DIPK1A: variants seen among roughly 807,000 people sequenced by gnomAD.
The protein encoded by DIPK1A is family with sequence similarity 69 member A.
A neutral mutation model predicts 40.8 loss-of-function variants in DIPK1A; 27 were observed. The ratio of observed to expected loss-of-function variants is 0.66; its 90% CI spans 0.49 to 0.91. The LOEUF (loss-of-function observed/expected upper bound fraction) is 0.91. Among genes scored for constraint, DIPK1A ranks in the 40% least tolerant of loss-of-function variants. The pLI is 0.00. For missense variants in DIPK1A, 412 were observed against 505.7 expected, an observed-to-expected ratio of 0.81 and a Z score of 1.78; for synonymous variants, 166 against 171.3, an observed-to-expected ratio of 0.97 and a Z score of 0.24.
intron 1 of DIPK1A, among the ~76,000 whole-genome samples, chr1:92,897,159 A>G (rs955334428): frequency 2.0e-5 from 3 of 152,236 alleles, no homozygotes; most frequent in African/African-American, 7.2e-5. Flanking sequence ...TACTGGGTAT[A>G]TACCCAAAGG....
chr1:92,926,016 G>GA (rs1213924221), intron 1 of DIPK1A, among the ~76,000 whole-genome samples: 1 of 151,720 alleles, frequency 6.6e-6, no homozygotes, highest in Admixed American at 6.6e-5. Flanking sequence ...TTGATCTTTT[G>GA]AAAAAATCCA....
chr1:92,926,450 A>ATGATAT (rs1268746084), intron 1 of DIPK1A, among the ~76,000 whole-genome samples: 2 of 152,206 alleles, frequency 1.3e-5, no homozygotes, highest in Non-Finnish European at 2.9e-5. Flanking sequence ...TCTTGGTAAA[A>ATGATAT]GTTCCATGGT....
At chr1:92,941,087 G>A (rs1400273495) in intron 1 of DIPK1A, among the ~76,000 whole-genome samples, 1 of 146,648 alleles carries the variant, frequency 6.8e-6, no homozygotes, top group African/African-American at 2.5e-5. Context: ...TTTTAACAGG[G>A]TCTTTAGCAG....
At chr1:92,931,254 A>G (rs1650734588) in intron 1 of DIPK1A, 2 of 161,200 alleles carry the variant, frequency 1.2e-5, no homozygotes, top group South Asian at 1.5e-4. Context: ...GGTACATCAG[A>G]CAATGGACAA....
intron 3 of DIPK1A, among the ~76,000 whole-genome samples, chr1:92,849,416 C>T (rs561037123): frequency 1.9e-4 from 28 of 151,230 alleles, no homozygotes; most frequent in Non-Finnish European, 3.4e-4. Flanking sequence ...GACATGAACA[C>T]GGCTCACTGC....
chr1:92,957,702 G>A (rs1557501734), intron 1 of DIPK1A, among the ~76,000 whole-genome samples: 1 of 152,132 alleles, frequency 6.6e-6, no homozygotes, highest in Non-Finnish European at 1.5e-5. Context: ...AGATAAACTC[G>A]GTTCATTTAT....
chr1:92,877,413 G>A (rs1419270780), intron 1 of DIPK1A, among the ~76,000 whole-genome samples: 2 of 152,222 alleles, frequency 1.3e-5, no homozygotes, highest in Non-Finnish European at 2.9e-5. Flanking sequence ...TCACGAGCCA[G>A]TTTCTCACAC....
chr1:92,837,082 A>C (rs1225464833), intron 4 of DIPK1A: 1 of 338,216 alleles, frequency 3.0e-6, no homozygotes, highest in Non-Finnish European at 5.7e-6. Flanking sequence ...TTCTCACTTG[A>C]CAATTTCATT....
chr1:92,865,440 GAA>G (rs113093197), intron 2 of DIPK1A, among the ~76,000 whole-genome samples: 1 of 148,092 alleles, frequency 6.8e-6, no homozygotes, highest in African/African-American at 2.5e-5. Flanking sequence ...AAGCACAAGT[GAA>G]AAAAAAAATG....
At chr1:92,954,627 A>G (rs1651772857) in intron 1 of DIPK1A, among the ~76,000 whole-genome samples, 1 of 152,014 alleles carries the variant, frequency 6.6e-6, no homozygotes, top group Non-Finnish European at 1.5e-5. Flanking sequence ...CACCTGCCTC[A>G]GCCTCTCAAA....
At chr1:92,855,853 G>C (rs1455246643) in intron 2 of DIPK1A, among the ~76,000 whole-genome samples, 1 of 152,138 alleles carries the variant, frequency 6.6e-6, no homozygotes, top group Non-Finnish European at 1.5e-5. Context: ...GCTGAGGAGG[G>C]TGAATCACTT....
intron 2 of DIPK1A, among the ~76,000 whole-genome samples, chr1:92,863,589 A>AAAC (rs1553125906): frequency 6.7e-6 from 1 of 148,740 alleles, no homozygotes; most frequent in African/African-American, 2.5e-5. Context: ...AAAAAAAAAA[A>AAAC]CCCACAAAAA....
rs1687398342 is a variant in DIPK1A at position 92,842,295 on chromosome 1, A to C, written c.*1088T>G. Reference sequence around the variant, plus strand: ...GAAAGCTGTCCAGTGATGGTCACATAGATTTTTAACATGTTCCACTTTAGG... The same window carrying C: ...GAAAGCTGTCCAGTGATGGTCACATCGATTTTTAACATGTTCCACTTTAGG... On this transcript the variant is annotated 3_prime_UTR_variant, in exon 5 of 5. Transcript: ENST00000370310. 2.6e-5 allele frequency: 26 copies of C among 986,454 alleles called. No homozygotes were observed. Among genetic ancestry groups the C allele is most frequent in the Non-Finnish European group, 3.0e-5 (25 of 830,564 alleles). 61.1% of individuals were successfully genotyped at this position (986,454 alleles called of 1,614,324 possible).
intron 4 of DIPK1A, chr1:92,836,165 G>T (rs1453876601): frequency 6.3e-7 from 1 of 1,587,832 alleles, no homozygotes; most frequent in Admixed American, 1.7e-5. Context: ...ATTGAAACCA[G>T]CATTTACATT....
At chr1:92,870,426 A>G (rs957705030) in intron 2 of DIPK1A, among the ~76,000 whole-genome samples, 4 of 152,208 alleles carry the variant, frequency 2.6e-5, no homozygotes, top group Admixed American at 6.5e-5. Context: ...GGGTTTCACC[A>G]TGTTGGCCAG....
chr1:92,862,741 G>C (rs1293846225), intron 2 of DIPK1A, among the ~76,000 whole-genome samples: 2 of 152,126 alleles, frequency 1.3e-5, no homozygotes, highest in Admixed American at 1.3e-4. Flanking sequence ...TGAGATACAA[G>C]GTCTGTTATG....
At chr1:92,845,300 T>A (rs968295523) in intron 4 of DIPK1A, among the ~76,000 whole-genome samples, 6 of 148,890 alleles carry the variant, frequency 4.0e-5, no homozygotes, top group African/African-American at 1.5e-4. Context: ...CCGTTTTTTT[T>A]TTTTTTTTTT....
rs184694134 is a variant in DIPK1A, at chr1:92,847,785, G to C, written c.298-426C>G. 7.2e-5 allele frequency among the ~76,000 whole-genome samples: 11 copies of C among 152,208 alleles called. No homozygotes were observed. In the East Asian group the frequency reaches 2.1e-3, roughly 29 times the overall value. Reference sequence around the variant, plus strand: ...GGGTCTTGCTTTGTCACCCAGGCTGGGGTTCAGTGGCATAATCATAGCTCA... The same window carrying C: ...GGGTCTTGCTTTGTCACCCAGGCTGCGGTTCAGTGGCATAATCATAGCTCA... On this transcript the variant is annotated intron_variant, in intron 3 of 4. Transcript: ENST00000370310.
chr1:92,881,172 CAAAAAAAAAAAAAAAA>C (rs71094212), intron 1 of DIPK1A, among the ~76,000 whole-genome samples: 1 of 50,706 alleles, frequency 2.0e-5, no homozygotes, highest in African/African-American at 7.7e-5. Context: ...GACTCGGTCT[CAAAAAAAAAAAAAAAA>C]AAAAAAAAGG....
Sources: allele counts gnomAD v4.1 joint callset (sites outside exome capture counted in the v4.1 genomes callset), GRCh38; gene constraint gnomAD v4.1.1; transcripts MANE v1.5; gene names NCBI Gene and HGNC (gene_info 2026-07-23, HGNC 2026-07-21).